AMPD3: variants seen among roughly 807,000 people sequenced by gnomAD.
AMPD3 encodes AMP deaminase 3.
AMPD3 carries 57 observed loss-of-function variants against 82.3 expected under a neutral mutation model. That is an observed-to-expected ratio of 0.69 (90% confidence interval 0.56 to 0.86). The LOEUF is 0.86. Ranked by LOEUF, AMPD3 falls within the 40% of genes least tolerant of loss-of-function variation. The probability of loss-of-function intolerance (pLI) is 0.00; values close to 1 mark genes in which losing one functional copy is unlikely to be tolerated. For synonymous variants in AMPD3, 381 were observed against 394.7 expected (o/e 0.97, Z 0.41); for missense variants, 870 against 1,003.8 (o/e 0.87, Z 1.80).
intron 2 of AMPD3, among the ~76,000 whole-genome samples, chr11:10,463,370 C>T (rs766095843): frequency 5.3e-5 from 8 of 152,178 alleles, no homozygotes; most frequent in Non-Finnish European, 7.3e-5. Flanking sequence ...ATTGGTTAAC[C>T]TCTGAGTGCC....
intron 2 of AMPD3, among the ~76,000 whole-genome samples, chr11:10,465,943 C>T (rs1564840527): frequency 6.6e-6 from 1 of 152,086 alleles, no homozygotes; most frequent in Non-Finnish European, 1.5e-5. Flanking sequence ...TGGCAGGTCC[C>T]AGCCCCATGG....
chr11:10,465,074 TA>T (rs1474670396), intron 2 of AMPD3, among the ~76,000 whole-genome samples: 1 of 152,198 alleles, frequency 6.6e-6, no homozygotes, highest in Non-Finnish European at 1.5e-5. Flanking sequence ...ATGAGAATAA[TA>T]AAAGGACATA....
intron 6 of AMPD3, among the ~76,000 whole-genome samples, chr11:10,492,101 G>A (rs899186662): frequency 6.6e-6 from 1 of 152,120 alleles, no homozygotes; most frequent in Non-Finnish European, 1.5e-5. Flanking sequence ...GCAAGGGGTC[G>A]GTCTGGTATC....
intron 2 of AMPD3, among the ~76,000 whole-genome samples, chr11:10,470,141 G>C (rs577136994): frequency 8.5e-5 from 13 of 152,166 alleles, no homozygotes; most frequent in East Asian, 5.8e-4. Context: ...TCATACCTGG[G>C]ATGCAAGGCT....
intron 2 of AMPD3, chr11:10,476,912 A>T (rs887228743): frequency 2.1e-6 from 2 of 941,960 alleles, no homozygotes; most frequent in African/African-American, 4.1e-5. Context: ...GAAGCAGTCC[A>T]GTGCATCACT....
upstream of AMPD3, chr11:10,451,136 C>G (rs1483792896): frequency 2.6e-6 from 4 of 1,513,526 alleles, no homozygotes; most frequent in Non-Finnish European, 3.5e-6. Context: ...GGGTCTGAAC[C>G]GCGGCTTCCG....
At chr11:10,505,593 A>T (rs1849697146) in intron 14 of AMPD3, 115 bp from the exon 15 acceptor site, 2 of 1,528,190 alleles carry the variant, frequency 1.3e-6, no homozygotes, top group Admixed American at 2.0e-5. Context: ...CTGACCAAAG[A>T]TCTGCTTCAG....
At chr11:10,457,990 C>T (rs1848147473) in intron 1 of AMPD3, among the ~76,000 whole-genome samples, 1 of 152,122 alleles carries the variant, frequency 6.6e-6, no homozygotes, top group Non-Finnish European at 1.5e-5. Context: ...ACCCAAATAC[C>T]CATTGCCAAG....
intron 5 of AMPD3, among the ~76,000 whole-genome samples, chr11:10,485,376 A>C (rs1161183229): frequency 6.6e-6 from 1 of 152,064 alleles, no homozygotes; most frequent in African/African-American, 2.4e-5. Context: ...CGTCCTGAGT[A>C]GCTGGGACTA....
At chr11:10,477,818 T>C (rs1848784481) in intron 2 of AMPD3, 5 of 932,488 alleles carry the variant, frequency 5.4e-6, no homozygotes, top group Non-Finnish European at 6.4e-6. Context: ...CCCTTTCCCA[T>C]CTCTGGGAAA....
Position 10,496,336 on chromosome 11 carries a change from A to G in AMPD3, c.1431-476A>G, listed in dbSNP as rs1011764847. On this transcript the variant is annotated intron_variant, in intron 9 of 14. Coordinates refer to ENST00000396553, the MANE Select transcript of AMPD3 (RefSeq NM_001025389.2). ...TTGTCCTTTTGGTGAGCCCCAGGGT[A>G]TGGGGAGAGCTGTAGTGGTCTACAT... 3 of 985,214 alleles carry G rather than the reference A, an allele frequency of 3.0e-6. No individual in the cohort carries two copies. In the African/African-American group the frequency reaches 5.2e-5, roughly 17 times the overall value. The allele number at this position is 985,214 out of a possible 1,614,324, so 61.0% of individuals were successfully genotyped here.
Position 10,456,960 on chromosome 11 carries a change from G to A in AMPD3, c.-6+1512G>A, listed in dbSNP as rs1036288352. Among the ~76,000 whole-genome samples, 3 of 150,778 alleles carry A rather than the reference G, an allele frequency of 2.0e-5. No homozygotes were observed. Among genetic ancestry groups the A allele is most frequent in the African/African-American group, 7.3e-5 (3 of 40,846 alleles). The stretch of plus-strand genomic sequence containing the variant: ...ATATGGAATTAATTATTTTGTTGTG[G>A]TTGCTGTTGTTTCTTGCTTTTTTTT... On this transcript the variant is annotated intron_variant, in intron 1 of 14. Coordinates refer to ENST00000396553, the MANE Select transcript of AMPD3 (RefSeq NM_001025389.2). This position sits in a 1 kb window ranked among gnomAD's most constrained non-coding sequence, Gnocchi z 4.3.
upstream of AMPD3, chr11:10,451,032 C>G (rs543688153): frequency 8.2e-6 from 13 of 1,582,798 alleles, no homozygotes; most frequent in African/African-American, 1.1e-4. Flanking sequence ...ATGGCCCTGT[C>G]GTCCGAACCC....
chr11:10,504,761 CA>C, intron 14 of AMPD3, 102 bp downstream of exon 14: 3 of 1,119,190 alleles, frequency 2.7e-6, no homozygotes, highest in South Asian at 1.2e-5. Context: ...ACATAGCAGG[CA>C]GGGCCTCTGA....
intron 9 of AMPD3, chr11:10,496,498 C>T (rs1401723199): frequency 1.0e-6 from 1 of 985,302 alleles, no homozygotes; most frequent in Admixed American, 6.1e-5. Flanking sequence ...ATGTTTGGGT[C>T]ACTGGGAATT....
intron 3 of AMPD3, chr11:10,480,012 G>T (rs1230916710): frequency 1.0e-6 from 1 of 964,922 alleles, no homozygotes; most frequent in Non-Finnish European, 1.2e-6. Flanking sequence ...GAGGTGGGTC[G>T]GCCACCAGCT....
Position 10,502,760 on chromosome 11 carries a change from C to A in AMPD3, c.1882C>A (p.Pro628Thr), listed in dbSNP as rs780845864. 21 of 1,614,096 alleles carry A rather than the reference C, an allele frequency of 1.3e-5. No homozygotes were observed. In the African/African-American group the frequency reaches 2.7e-4, roughly 21 times the overall value. ...GTATCTCTACTACCTTGCTCAGATC[C>A]CCATTGCCATGTCTCCTCTTAGCAA... ...LQYLYYLAQI[P>T]IAMSPLSNNS... The change falls in exon 13 of 15, where the codon CCC becomes ACC. Residue 628 changes from proline to threonine, a missense_variant. Pro to Thr is a conservative substitution (Grantham distance 38). Transcript: ENST00000396553.
chr11:10,504,868 C>G (rs1218117700), intron 14 of AMPD3, among the ~76,000 whole-genome samples: 1 of 152,168 alleles, frequency 6.6e-6, no homozygotes, highest in Non-Finnish European at 1.5e-5. Context: ...CTTGGAGAGG[C>G]CTTCCCTGAT....
chr11:10,455,061 C>T (rs545306742), upstream of AMPD3: 34 of 760,394 alleles, frequency 4.5e-5, no homozygotes, highest in African/African-American at 5.9e-4. Flanking sequence ...CACAACCTCA[C>T]GATTGGACAT....
Sources: allele counts gnomAD v4.1 joint callset (sites outside exome capture counted in the v4.1 genomes callset), GRCh38; gene constraint gnomAD v4.1.1; non-coding constraint Gnocchi (gnomAD v3.1); transcripts MANE v1.5; gene names NCBI Gene and HGNC (gene_info 2026-07-23, HGNC 2026-07-21).